NBEA: variants seen among roughly 807,000 people sequenced by gnomAD.
NBEA encodes the protein neurobeachin, also known as lysosomal-trafficking regulator 2.
A neutral mutation model predicts 343.4 loss-of-function variants in NBEA; 44 were observed. That is an observed-to-expected ratio of 0.13 (90% CI 0.10 to 0.16). The LOEUF (loss-of-function observed/expected upper bound fraction) is 0.16, where lower values mean the gene tolerates loss of function less well. Ranked by LOEUF, NBEA falls within the 10% of genes least tolerant of loss-of-function variation. NBEA has a pLI of 1.00. For missense variants in NBEA, 2,555 were observed against 3,631.3 expected (o/e 0.70, Z 7.62); for synonymous variants, 1,175 against 1,238.7 (o/e 0.95, Z 1.08).
chr13:34,973,069 GTC>G lies in NBEA; in HGVS notation c.294+29956_294+29957del, dbSNP rs562020502. Among the ~76,000 whole-genome samples the G allele has an allele frequency of 3.0e-4, 46 of 152,208 alleles. No homozygotes were observed. The East Asian group carries it at 8.9e-3, about 29-fold the overall frequency. ...ACAGGACTGTTGCGGTTTGCTGGGG[GTC>G]CACTGCAGTCCTTAGTCATTTCGGG... On this transcript the variant is annotated intron_variant, in intron 1 of 58. Transcript: ENST00000379939.
At chr13:35,437,872 C>A (rs1224474109) in intron 39 of NBEA, among the ~76,000 whole-genome samples, 1 of 152,120 alleles carries the variant, frequency 6.6e-6, no homozygotes, top group Non-Finnish European at 1.5e-5. Context: ...TAGTCAAATT[C>A]TGGTGCATTT....
Position 35,109,347 on chromosome 13 carries a change from T to C in NBEA, c.1738T>C (p.Tyr580His). ...VLEQFLSFAK[Y>H]LDGLSHGAPL... is the part of the protein sequence containing the mutation. Reference sequence around the variant, plus strand: ...GGAGCAATTTTTATCTTTTGCAAAATACCTTGATGGTTTATCTCATGGAGC... The same window carrying C: ...GGAGCAATTTTTATCTTTTGCAAAACACCTTGATGGTTTATCTCATGGAGC... The change falls in exon 12 of 59, where the codon TAC (tyrosine) becomes CAC (histidine). Residue 580 changes from tyrosine to histidine, a missense_variant. By Grantham distance (83) the Tyr-to-His change is moderately conservative. Transcript: ENST00000379939. The C allele has an allele frequency of 6.2e-7, 1 of 1,612,466 alleles. No homozygotes were observed. Among genetic ancestry groups the C allele is most frequent in the Non-Finnish European group, 8.5e-7 (1 of 1,179,032 alleles).
intron 45 of NBEA, among the ~76,000 whole-genome samples, chr13:35,582,677 C>G (rs1280915776): frequency 1.3e-5 from 2 of 151,932 alleles, no homozygotes; most frequent in African/African-American, 4.8e-5. Flanking sequence ...TTAAAGTTAA[C>G]AAAAAATGAA....
At chr13:35,448,988 C>T (rs559112066) in intron 39 of NBEA, among the ~76,000 whole-genome samples, 41 of 152,174 alleles carry the variant, frequency 2.7e-4, no homozygotes, top group East Asian at 1.7e-3. Context: ...TTAGCCAGGC[C>T]AAGGAGGAAA....
intron 49 of NBEA, among the ~76,000 whole-genome samples, chr13:35,643,006 T>C (rs553829176): frequency 6.6e-6 from 1 of 151,976 alleles, no homozygotes; most frequent in East Asian, 1.9e-4. Flanking sequence ...CAGACCAATG[T>C]ATAGAGAAAT....
chr13:35,557,738 A>G (rs937250651), intron 44 of NBEA, among the ~76,000 whole-genome samples: 2 of 152,160 alleles, frequency 1.3e-5, no homozygotes, highest in African/African-American at 4.8e-5. Context: ...ACACGTAAAT[A>G]AGACATTTTA....
At chr13:35,085,452 C>G (rs1379574415) in intron 10 of NBEA, among the ~76,000 whole-genome samples, 2 of 152,074 alleles carry the variant, frequency 1.3e-5, no homozygotes, top group Non-Finnish European at 2.9e-5. Flanking sequence ...TAAATGTAAT[C>G]CAGCATATGA....
intron 34 of NBEA, among the ~76,000 whole-genome samples, chr13:35,248,632 C>T (rs1416460332): frequency 6.6e-6 from 1 of 152,070 alleles, no homozygotes; most frequent in Admixed American, 6.5e-5. Flanking sequence ...AAAAAGCCAG[C>T]CCTTACTTAT....
At chr13:35,445,605 A>G (rs1199452298) in intron 39 of NBEA, among the ~76,000 whole-genome samples, 1 of 151,686 alleles carries the variant, frequency 6.6e-6, no homozygotes, top group Non-Finnish European at 1.5e-5. Context: ...AACTTAACTA[A>G]TGTGCATGTA....
intron 47 of NBEA, among the ~76,000 whole-genome samples, chr13:35,599,313 C>G (rs2081949710): frequency 6.6e-6 from 1 of 152,152 alleles, no homozygotes. Flanking sequence ...ACAAATCACC[C>G]CAAAACCTAT....
intron 31 of NBEA, among the ~76,000 whole-genome samples, chr13:35,204,148 G>C (rs2073212915): frequency 6.6e-6 from 1 of 152,142 alleles, no homozygotes; most frequent in Admixed American, 6.5e-5. Flanking sequence ...TTTCCTGTCA[G>C]ATCAGTGGTG....
At chr13:35,162,715 A>T (rs1776698435) in intron 23 of NBEA, among the ~76,000 whole-genome samples, 1 of 152,116 alleles carries the variant, frequency 6.6e-6, no homozygotes, top group Non-Finnish European at 1.5e-5. Context: ...CAGAAAAAGA[A>T]AATGGGATTA....
intron 13 of NBEA, among the ~76,000 whole-genome samples, chr13:35,116,982 T>C (rs2152668446): frequency 6.6e-6 from 1 of 151,940 alleles, no homozygotes; most frequent in African/African-American, 2.4e-5. Flanking sequence ...TAAAACAGAG[T>C]GTCATTTTTT....
intron 38 of NBEA, among the ~76,000 whole-genome samples, chr13:35,414,105 C>G (rs970155647): frequency 6.6e-6 from 1 of 151,982 alleles, no homozygotes; most frequent in Non-Finnish European, 1.5e-5. Context: ...CTTTTATATA[C>G]CAAACTGAGG....
rs150483636 is a variant in NBEA, at chr13:35,229,479, C to T, written c.5649-3013C>T. On this transcript the variant is annotated intron_variant, in intron 33 of 58. Coordinates refer to ENST00000379939, the MANE Select transcript of NBEA (RefSeq NM_001385012.1). The stretch of plus-strand genomic sequence containing the variant: ...AGAATACCTGGTTTTATTCTGGTGG[C>T]TATATGTTCTTTGTATTTTTATTTT... Among the ~76,000 whole-genome samples, 413 of 152,102 alleles carry T rather than the reference C, an allele frequency of 2.7e-3. 3 individuals carry two copies. Among genetic ancestry groups the T allele is most frequent in the African/African-American group, 9.3e-3 (387 of 41,524 alleles).
At chr13:35,282,991 C>T (rs1402450816) in intron 34 of NBEA, among the ~76,000 whole-genome samples, 1 of 152,044 alleles carries the variant, frequency 6.6e-6, no homozygotes, top group African/African-American at 2.4e-5. Flanking sequence ...AAAGTTGGGG[C>T]AGTGTTTCAC....
At chr13:35,402,673 A>G (rs2043053183) in intron 38 of NBEA, among the ~76,000 whole-genome samples, 1 of 152,116 alleles carries the variant, frequency 6.6e-6, no homozygotes, top group South Asian at 2.1e-4. Context: ...TACACTTTTT[A>G]ATTAGTTTAA....
intron 1 of NBEA, among the ~76,000 whole-genome samples, chr13:35,038,137 C>A (rs1029784053): frequency 2.0e-5 from 3 of 152,164 alleles, no homozygotes; most frequent in African/African-American, 7.2e-5. Flanking sequence ...AGCCTCACCC[C>A]TTAGCCACTG....
chr13:35,109,485 A>C, intron 12 of NBEA, 43 bp downstream of exon 12: 1 of 1,488,970 alleles, frequency 6.7e-7, no homozygotes, highest in Non-Finnish European at 9.0e-7. Flanking sequence ...GTGTAATGTT[A>C]TACATTATAG....
Sources: allele counts gnomAD v4.1 joint callset (sites outside exome capture counted in the v4.1 genomes callset), GRCh38; gene constraint gnomAD v4.1.1; transcripts MANE v1.5; gene names NCBI Gene and HGNC (gene_info 2026-07-23, HGNC 2026-07-21).